Variants in RAB28 observed in about 807,000 individuals in gnomAD.
RAB28 encodes the protein RAB28, member RAS oncogene family, also known as ras-related protein Rab-28.
RAB28 carries 24 observed loss-of-function variants against 31.7 expected under a neutral mutation model. That is an observed-to-expected ratio of 0.76 (90% confidence interval 0.55 to 1.06). The LOEUF (loss-of-function observed/expected upper bound fraction) is 1.06. Among genes scored for constraint, RAB28 ranks in the 50% least tolerant of loss-of-function variants. The pLI, the probability that RAB28 is intolerant of heterozygous loss-of-function variation, is 0.00. For synonymous variants in RAB28, 100 were observed against 90.4 expected, an observed-to-expected ratio of 1.11 and a Z score of -0.60; for missense variants, 254 against 258.5, an observed-to-expected ratio of 0.98 and a Z score of 0.12.
chr4:13,407,548 G>A (rs143153525), intron 4 of RAB28, among the ~76,000 whole-genome samples: 2,539 of 152,282 alleles, frequency 0.017, 69 homozygotes, highest in African/African-American at 0.057. Flanking sequence ...TGTGAAGAAA[G>A]TCAATGGTAG....
chr4:13,484,207 GC>G lies in RAB28; in HGVS notation c.-58del, dbSNP rs1716761909. The G allele has an allele frequency of 7.1e-7, 1 of 1,409,372 alleles. No individual in the cohort carries two copies. Among genetic ancestry groups the G allele is most frequent in the Non-Finnish European group, 9.8e-7 (1 of 1,018,344 alleles). 87.3% of individuals were successfully genotyped at this position (1,409,372 alleles called of 1,614,324 possible). On this transcript the variant is annotated 5_prime_UTR_variant, in exon 1 of 7. Transcript: ENST00000330852. ...GTGGGGGGGGAAGGGAAGGATGAAG[GC>G]TCCGGGGGCGGGGGAGAGGAGGAAG...
chr4:13,367,865 T>C lies in RAB28; in HGVS notation c.*693A>G. The stretch of plus-strand genomic sequence containing the variant: ...ACGTGGAGCATCAGCTGAACATTTA[T>C]CAGAATTCAGAAAGCCTTCAAACCT... On this transcript the variant is annotated 3_prime_UTR_variant, in exon 7 of 7. Coordinates refer to ENST00000330852, the MANE Select transcript of RAB28 (RefSeq NM_001017979.3). 1 of 985,056 alleles carries C rather than the reference T, an allele frequency of 1.0e-6. No individual in the cohort carries two copies. Among genetic ancestry groups the C allele is most frequent in the Non-Finnish European group, 1.2e-6 (1 of 829,616 alleles). The allele number at this position is 985,056 out of a possible 1,614,324, so 61.0% of individuals were successfully genotyped here.
intron 4 of RAB28, among the ~76,000 whole-genome samples, chr4:13,434,493 A>AC (rs1354653385): frequency 6.6e-6 from 1 of 152,094 alleles, no homozygotes; most frequent in African/African-American, 2.4e-5. Flanking sequence ...GAACTTCAAC[A>AC]CCCCACTGAC....
chr4:13,416,966 G>A (rs920704884), intron 4 of RAB28, among the ~76,000 whole-genome samples: 2 of 152,298 alleles, frequency 1.3e-5, no homozygotes, highest in East Asian at 1.9e-4. Context: ...AGGGGTCGGG[G>A]GATTTCCCTT....
intron 4 of RAB28, among the ~76,000 whole-genome samples, chr4:13,430,252 C>T (rs1047163653): frequency 1.3e-5 from 2 of 152,060 alleles, no homozygotes; most frequent in Admixed American, 6.6e-5. Flanking sequence ...TGTCAGTTCT[C>T]CTCAGAGAGA....
At chr4:13,446,981 G>A (rs1469021883) in intron 4 of RAB28, among the ~76,000 whole-genome samples, 1 of 152,078 alleles carries the variant, frequency 6.6e-6, no homozygotes, top group South Asian at 2.1e-4. Context: ...CTCAGTAAAT[G>A]CAACTTTAGC....
intron 4 of RAB28, among the ~76,000 whole-genome samples, chr4:13,386,461 C>G (rs1307332076): frequency 1.3e-5 from 2 of 151,878 alleles, no homozygotes; most frequent in Non-Finnish European, 2.9e-5. Flanking sequence ...TGAACAGATA[C>G]TTCTCAAAAG....
intron 4 of RAB28, among the ~76,000 whole-genome samples, chr4:13,388,898 G>A (rs1203529947): frequency 6.6e-6 from 1 of 152,016 alleles, no homozygotes; most frequent in Non-Finnish European, 1.5e-5. Context: ...TGGGGTTTCT[G>A]AGAAAGTTAA....
rs1008641758 is a variant in RAB28 at position 13,471,502 on chromosome 4, CT to C, written c.261+2815del. Among the ~76,000 whole-genome samples the C allele has an allele frequency of 2.9e-4, 44 of 151,162 alleles. No homozygotes were observed. In the Middle Eastern group the frequency reaches 0.01, roughly 35 times the overall value. ...AGAAAAAAGTTATTATATTATCATCCTTTTTTTTTCTTCTTTATAAACTGAG... is the reference window on the plus strand; with the variant it reads ...AGAAAAAAGTTATTATATTATCATCCTTTTTTTTCTTCTTTATAAACTGAG... On this transcript the variant is annotated intron_variant, in intron 3 of 6. Coordinates refer to ENST00000330852, the MANE Select transcript of RAB28 (RefSeq NM_001017979.3).
At chr4:13,401,002 T>C (rs116568454) in intron 4 of RAB28, among the ~76,000 whole-genome samples, 87 of 152,340 alleles carry the variant, frequency 5.7e-4, no homozygotes, top group African/African-American at 1.5e-3. Flanking sequence ...TTTATGTTCA[T>C]GAGGAATATT....
intron 5 of RAB28, among the ~76,000 whole-genome samples, chr4:13,377,938 A>G (rs897275975): frequency 6.6e-6 from 1 of 152,208 alleles, no homozygotes; most frequent in African/African-American, 2.4e-5. Context: ...TAGATCTGCT[A>G]TTTATTAAAG....
chr4:13,371,661 A>C, intron 6 of RAB28: 3 of 1,473,674 alleles, frequency 2.0e-6, no homozygotes, highest in Non-Finnish European at 1.8e-6. Context: ...CAGATTCCAA[A>C]TTTCACTTTC....
chr4:13,370,054 T>A, intron 6 of RAB28: 2 of 1,501,580 alleles, frequency 1.3e-6, no homozygotes, highest in Non-Finnish European at 1.8e-6. Flanking sequence ...TGACTGAATA[T>A]AGAAGGAAAC....
intron 4 of RAB28, among the ~76,000 whole-genome samples, chr4:13,393,731 T>C (rs1235345893): frequency 6.6e-6 from 1 of 151,846 alleles, no homozygotes; most frequent in Non-Finnish European, 1.5e-5. Flanking sequence ...AAATAGAAGA[T>C]GGCAAGTTTT....
chr4:13,439,060 T>C lies in RAB28; in HGVS notation c.391+21639A>G, dbSNP rs80138589. On this transcript the variant is annotated intron_variant, in intron 4 of 6. Coordinates refer to ENST00000330852, the MANE Select transcript of RAB28 (RefSeq NM_001017979.3). ...AGTATATTTTCATGTACTTAATGGC[T>C]ATTTGTATATCTTCTCTAGGGAAAT... 1.8e-3 allele frequency among the ~76,000 whole-genome samples: 269 copies of C among 152,354 alleles called. 2 individuals are homozygous for C. Among genetic ancestry groups the C allele is most frequent in the African/African-American group, 5.7e-3 (235 of 41,582 alleles).
At chr4:13,457,051 T>C (rs969031110) in intron 4 of RAB28, among the ~76,000 whole-genome samples, 1 of 152,202 alleles carries the variant, frequency 6.6e-6, no homozygotes, top group Non-Finnish European at 1.5e-5. Context: ...CTGCTACCAG[T>C]ATTTCCACAG....
intron 4 of RAB28, among the ~76,000 whole-genome samples, chr4:13,439,514 T>C (rs1316723705): frequency 6.6e-6 from 1 of 151,772 alleles, no homozygotes; most frequent in Non-Finnish European, 1.5e-5. Flanking sequence ...GCTCAGCTAA[T>C]TGTTGTATCT....
intron 3 of RAB28, among the ~76,000 whole-genome samples, chr4:13,467,436 T>C (rs998082887): frequency 1.3e-5 from 2 of 151,860 alleles, no homozygotes; most frequent in African/African-American, 4.8e-5. Flanking sequence ...TGATATAAAA[T>C]ACAACTGTTT....
intron 4 of RAB28, among the ~76,000 whole-genome samples, chr4:13,410,658 C>T (rs773030372): frequency 6.6e-6 from 1 of 152,084 alleles, no homozygotes; most frequent in Non-Finnish European, 1.5e-5. Context: ...TGTCAACCCT[C>T]AAGCAAACAG....
Sources: gnomAD v4.1 joint callset for allele counts (sites outside exome capture counted in the v4.1 genomes callset) on GRCh38, gnomAD v4.1.1 for gene constraint, MANE v1.5 for transcripts, NCBI Gene and HGNC (gene_info 2026-07-23, HGNC 2026-07-21) for gene names.